Variants in IL17RB observed in about 807,000 individuals in gnomAD.
IL17RB encodes the protein interleukin 17 receptor B, also known as interleukin-17 receptor B.
In IL17RB, 36 loss-of-function variants were observed where a neutral mutation model predicts 43.9. That is an observed-to-expected ratio of 0.82 (90% confidence interval 0.63 to 1.08). The LOEUF is 1.08. Ranked by LOEUF, IL17RB falls within the 50% of genes least tolerant of loss-of-function variation. The pLI, the probability that IL17RB is intolerant of heterozygous loss-of-function variation, is 0.00. For missense variants in IL17RB, 613 were observed against 613.6 expected (o/e 1.00, Z 0.01); for synonymous variants, 225 against 225.4 (o/e 1.00, Z 0.02).
intron 5 of IL17RB, among the ~76,000 whole-genome samples, chr3:53,855,001 C>T (rs1473872122): frequency 1.3e-5 from 2 of 151,754 alleles, no homozygotes; most frequent in Non-Finnish European, 2.9e-5. Flanking sequence ...CCTGTAGTCC[C>T]AGCTACTCAG....
intron 1 of IL17RB, among the ~76,000 whole-genome samples, 162 bp from the exon 2 acceptor site, chr3:53,848,502 A>C (rs944971089): frequency 6.6e-6 from 1 of 152,242 alleles, no homozygotes; most frequent in African/African-American, 2.4e-5. Context: ...GGGACAGCTT[A>C]GTTCCCCCCT....
intron 10 of IL17RB, 135 bp downstream of exon 10, chr3:53,860,363 A>T: frequency 1.6e-6 from 1 of 631,492 alleles, no homozygotes; most frequent in African/African-American, 1.8e-5. Flanking sequence ...AATACCTTCA[A>T]GTGCTCCTAC....
intron 10 of IL17RB, 126 bp downstream of exon 10, chr3:53,860,354 A>G (rs1699517264): frequency 1.5e-6 from 1 of 677,874 alleles, no homozygotes; most frequent in Admixed American, 2.6e-5. Flanking sequence ...CATTTATGTA[A>G]TACCTTCAAG....
chr3:53,851,855 C>G, intron 3 of IL17RB, 144 bp from the exon 4 acceptor site: 1 of 919,126 alleles, frequency 1.1e-6, no homozygotes, highest in South Asian at 1.7e-5. Flanking sequence ...CATCTGTAAA[C>G]TGGAGACAGT....
chr3:53,864,795 TA>T lies in IL17RB; in HGVS notation c.998del (p.Lys333ArgfsTer41), dbSNP rs1699722006. On this transcript the variant is annotated frameshift_variant, in exon 11 of 11. Coordinates refer to ENST00000288167, the MANE Select transcript of IL17RB (RefSeq NM_018725.4). LOFTEE classifies it low-confidence loss of function (END_TRUNC). Reference sequence around the variant, plus strand: ...CTACCACCACACTACTGCCCCCCATTAAGGTTCTTGTGGTTTACCCATCTGA... The same window carrying T: ...CTACCACCACACTACTGCCCCCCATTAGGTTCTTGTGGTTTACCCATCTGA... ...FSTTTLLPPIKVLVVYPSEIC... is the reference protein window; with the variant it reads ...FSTTTLLPPIXVLVVYPSEIC... 6.2e-7 allele frequency: 1 copy of T among 1,613,914 alleles called. No individual in the cohort carries two copies. The highest frequency in any genetic ancestry group is 8.5e-7 in the Non-Finnish European group (1 of 1,179,982).
intron 5 of IL17RB, among the ~76,000 whole-genome samples, chr3:53,854,130 C>T (rs1699251748): frequency 6.6e-6 from 1 of 152,108 alleles, no homozygotes; most frequent in Non-Finnish European, 1.5e-5. Context: ...CTCCTAACCT[C>T]GGGTGATCTG....
At chr3:53,855,884 G>C (rs1220252272) in intron 6 of IL17RB, among the ~76,000 whole-genome samples, 2 of 152,184 alleles carry the variant, frequency 1.3e-5, no homozygotes, top group African/African-American at 4.8e-5. Context: ...GAATTTTGTA[G>C]TAATCCCCTT....
At chr3:53,857,761 G>C in intron 8 of IL17RB, 71 bp downstream of exon 8, 1 of 1,344,344 alleles carries the variant, frequency 7.4e-7, no homozygotes, top group East Asian at 2.3e-5. Context: ...TTGCTTTTAA[G>C]GATGAGTTCT....
chr3:53,858,398 G>C (rs1699428225), intron 8 of IL17RB: 1 of 1,117,700 alleles, frequency 8.9e-7, no homozygotes. Context: ...GAGGATCACT[G>C]CTGCTCCTTT....
In IL17RB at chr3:53,865,042, C is replaced by A. The variant is rs188917846; in HGVS notation, c.1243C>A (p.Pro415Thr). The change falls in exon 11 of 11, where the codon CCC (proline) becomes ACC (threonine). Residue 415 changes from proline to threonine, a missense_variant. Physicochemically the swap from Pro to Thr is conservative, Grantham distance 38 (BLOSUM62 -1). Coordinates refer to ENST00000288167, the MANE Select transcript of IL17RB (RefSeq NM_018725.4). ...TACCTGTGGCAAGAGCGAGGGCAGTCCCAGTGAGAACTCTCAAGACCTCTT... is the reference window on the plus strand; with the variant it reads ...TACCTGTGGCAAGAGCGAGGGCAGTACCAGTGAGAACTCTCAAGACCTCTT... ...DGTCGKSEGS[P>T]SENSQDLFPL... 1 of 1,614,184 alleles carries A rather than the reference C, an allele frequency of 6.2e-7. No individual in the cohort carries two copies. The highest frequency in any genetic ancestry group is 1.1e-5 in the South Asian group (1 of 91,082).
At chr3:53,852,554 A>G (rs1699191372) in intron 4 of IL17RB, among the ~76,000 whole-genome samples, 1 of 152,214 alleles carries the variant, frequency 6.6e-6, no homozygotes, top group African/African-American at 2.4e-5. Context: ...GCTTAGAGCA[A>G]GATCCCTTGG....
At position 53,865,235 on chromosome 3, in the gene IL17RB, T is replaced by G; in HGVS notation, c.1436T>G (p.Leu479Arg). ...GATGCCACTGCTTTCTGTGCAGAAC[T>G]TCTCCATGTCAAGCAGCAGGTGTCA... Reference protein sequence around the residue: ...MKDATAFCAELLHVKQQVSAG... With the variant: ...MKDATAFCAERLHVKQQVSAG... Residue 479 changes from leucine to arginine, a missense_variant, in exon 11 of 11, where the codon CTT (leucine) becomes CGT (arginine). By Grantham distance (102) the Leu-to-Arg change is moderately radical. Coordinates refer to ENST00000288167, the MANE Select transcript of IL17RB (RefSeq NM_018725.4). 6.2e-7 allele frequency: 1 copy of G among 1,613,516 alleles called. No homozygotes were observed. Among genetic ancestry groups the G allele is most frequent in the East Asian group, 2.2e-5 (1 of 44,878 alleles).
chr3:53,855,264 A>C (rs1168283863), intron 5 of IL17RB, 30 bp from the exon 6 acceptor site: 1 of 1,545,278 alleles, frequency 6.5e-7, no homozygotes, highest in South Asian at 1.1e-5. Context: ...CCTTTTTCTA[A>C]AATGTAAAAA....
At position 53,865,318 on chromosome 3, in the gene IL17RB, G is replaced by A; in HGVS notation, c.*10G>A. On this transcript the variant is annotated 3_prime_UTR_variant, in exon 11 of 11. Coordinates refer to ENST00000288167, the MANE Select transcript of IL17RB (RefSeq NM_018725.4). Reference sequence around the variant, plus strand: ...CTGCTGCTCCTTGTAGCCCACCCATGAGAAGCAAGAGACCTTAAAGGCTTC... The same window carrying A: ...CTGCTGCTCCTTGTAGCCCACCCATAAGAAGCAAGAGACCTTAAAGGCTTC... 1 of 1,592,114 alleles carries A rather than the reference G, an allele frequency of 6.3e-7. No homozygotes were observed. Among genetic ancestry groups the A allele is most frequent in the Non-Finnish European group, 8.5e-7 (1 of 1,174,492 alleles).
At chr3:53,858,100 C>G (rs1191446149) in intron 8 of IL17RB, 1 of 198,074 alleles carries the variant, frequency 5.0e-6, no homozygotes, top group Non-Finnish European at 1.1e-5. Context: ...GCAGCGGACC[C>G]AGCTGGAACA....
At chr3:53,855,229 T>G in intron 5 of IL17RB, 65 bp from the exon 6 acceptor site, 1 of 1,090,546 alleles carries the variant, frequency 9.2e-7, no homozygotes, top group Non-Finnish European at 1.4e-6. Flanking sequence ...TGTGTGCACT[T>G]GGCAAAGGGG....
chr3:53,852,048 C>T lies in IL17RB; in HGVS notation c.276C>T (p.Ser92=). The T allele has an allele frequency of 6.2e-7, 1 of 1,614,178 alleles. No individual in the cohort carries two copies. The highest frequency in any genetic ancestry group is 8.5e-7 in the Non-Finnish European group (1 of 1,180,040). The change falls in exon 4 of 11, where the codon AGC becomes AGT. Residue 92 remains serine, a synonymous_variant. Transcript: ENST00000288167. ...KATKICVTGK[S]NFQSYSCVRC... ...CCAAGATTTGTGTGACGGGCAAAAG[C>T]AACTTCCAGTCCTACAGCTGTGTGA...
chr3:53,865,459 A>AC lies in IL17RB; in HGVS notation c.*151_*152insC. ...ACCAATAAAATTTTCAAATATTGCT[A>AC]ACTAATGTAGCATTAACTAACGATT... is the stretch of plus-strand genomic sequence containing the variant. On this transcript the variant is annotated 3_prime_UTR_variant, in exon 11 of 11. Transcript: ENST00000288167. 1 of 582,254 alleles carries AC rather than the reference A, an allele frequency of 1.7e-6. No homozygotes were observed. The highest frequency in any genetic ancestry group is 2.9e-6 in the Non-Finnish European group (1 of 344,128). 36.1% of individuals were successfully genotyped at this position (582,254 alleles called of 1,614,324 possible). A position where few individuals can be genotyped will look rare whatever the true frequency, so the allele number is the denominator to read the frequency against.
intron 6 of IL17RB, among the ~76,000 whole-genome samples, chr3:53,856,353 C>A (rs750224543): frequency 6.6e-6 from 1 of 152,314 alleles, no homozygotes; most frequent in South Asian, 2.1e-4. Flanking sequence ...AAGCTACGAG[C>A]CATTTCCTTC....
Sources: allele counts gnomAD v4.1 joint callset (sites outside exome capture counted in the v4.1 genomes callset), GRCh38; gene constraint gnomAD v4.1.1; transcripts MANE v1.5; gene names NCBI Gene and HGNC (gene_info 2026-07-23, HGNC 2026-07-21).